TTC29: variants seen among roughly 807,000 people sequenced by gnomAD.
TTC29 encodes tetratricopeptide repeat domain 29, also known as tetratricopeptide repeat protein 29.
In TTC29, 49 loss-of-function variants were observed where a neutral mutation model predicts 58.1. The observed-to-expected ratio is 0.84, with a 90% CI of 0.67 to 1.07. TTC29 has a LOEUF of 1.07. Among genes scored for constraint, TTC29 ranks in the 50% least tolerant of loss-of-function variants. The pLI is 0.00. For missense variants in TTC29, 582 were observed against 555.6 expected, an observed-to-expected ratio of 1.05 and a Z score of -0.48; for synonymous variants, 209 against 196.8, an observed-to-expected ratio of 1.06 and a Z score of -0.52.
At chr4:146,911,875 A>G (rs920590426) in intron 4 of TTC29, among the ~76,000 whole-genome samples, 3 of 152,180 alleles carry the variant, frequency 2.0e-5, no homozygotes, top group Non-Finnish European at 4.4e-5. Flanking sequence ...GGAGTCTGGA[A>G]AAACAAATAC....
intron 8 of TTC29, among the ~76,000 whole-genome samples, chr4:146,854,649 G>A (rs1042401466): frequency 6.6e-6 from 1 of 151,966 alleles, no homozygotes; most frequent in Non-Finnish European, 1.5e-5. Flanking sequence ...CCCAGGAGTG[G>A]GCTGGTATGC....
intron 11 of TTC29, among the ~76,000 whole-genome samples, chr4:146,716,704 A>AAT (rs138080522): frequency 6.6e-6 from 1 of 152,208 alleles, no homozygotes; most frequent in Non-Finnish European, 1.5e-5. Flanking sequence ...AAGATGAGTA[A>AAT]ATATATATAT....
intron 11 of TTC29, among the ~76,000 whole-genome samples, chr4:146,742,086 T>G (rs1745195509): frequency 6.6e-6 from 1 of 152,188 alleles, no homozygotes; most frequent in Non-Finnish European, 1.5e-5. Context: ...GAGGCCATGA[T>G]TTGAACCTAG....
intron 11 of TTC29, among the ~76,000 whole-genome samples, chr4:146,787,908 A>G (rs75740786): frequency 8.1e-6 from 1 of 123,510 alleles, no homozygotes; most frequent in South Asian, 2.6e-4. Flanking sequence ...TTTTTTTTTT[A>G]TTTGGAGTTC....
At chr4:146,763,136 G>A (rs1220561502) in intron 11 of TTC29, among the ~76,000 whole-genome samples, 2 of 151,920 alleles carry the variant, frequency 1.3e-5, no homozygotes, top group Non-Finnish European at 2.9e-5. Flanking sequence ...GCCTTACAAG[G>A]CTCTTTAGCC....
chr4:146,866,393 T>C (rs1418814903), intron 8 of TTC29, among the ~76,000 whole-genome samples: 6 of 152,186 alleles, frequency 3.9e-5, no homozygotes, highest in African/African-American at 1.4e-4. Flanking sequence ...TCTCATGTTT[T>C]CTACATGTGT....
At chr4:146,734,935 G>C (rs1744608559) in intron 11 of TTC29, among the ~76,000 whole-genome samples, 1 of 152,052 alleles carries the variant, frequency 6.6e-6, no homozygotes, top group African/African-American at 2.4e-5. Flanking sequence ...GCTGTGTTGA[G>C]ATCAGTCACT....
intron 8 of TTC29, among the ~76,000 whole-genome samples, chr4:146,865,266 C>T (rs1313243647): frequency 6.6e-6 from 1 of 152,162 alleles, no homozygotes; most frequent in Non-Finnish European, 1.5e-5. Flanking sequence ...AAATTTGTCA[C>T]ATCTGATGAA....
chr4:146,756,733 C>A (rs1561094694), intron 11 of TTC29, among the ~76,000 whole-genome samples: 1 of 146,982 alleles, frequency 6.8e-6, no homozygotes, highest in African/African-American at 2.5e-5. Context: ...TTTTTTTATT[C>A]TTTTTTTTTT....
chr4:146,887,658 G>T (rs949290468), intron 6 of TTC29, among the ~76,000 whole-genome samples: 1 of 152,024 alleles, frequency 6.6e-6, no homozygotes, highest in African/African-American at 2.4e-5. Context: ...TTGTCTAAAA[G>T]AATTGAACAT....
rs567229092 is a variant in TTC29, at chr4:146,923,628, C to T, written c.176+13966G>A. 5.9e-5 allele frequency among the ~76,000 whole-genome samples: 9 copies of T among 151,962 alleles called. No homozygotes were observed. In the South Asian group the frequency reaches 1.7e-3, roughly 28 times the overall value. ...AAGCCAGGAATGTGAAGAGACGCCGCTGTCAATGCTATTATGTAACATCAT... is the reference window on the plus strand; with the variant it reads ...AAGCCAGGAATGTGAAGAGACGCCGTTGTCAATGCTATTATGTAACATCAT... On this transcript the variant is annotated intron_variant, in intron 4 of 12. Coordinates refer to ENST00000325106, the MANE Select transcript of TTC29 (RefSeq NM_031956.4).
At chr4:146,937,710 G>A (rs765853933) in intron 3 of TTC29, 33 bp from the exon 4 acceptor site, 12 of 1,291,320 alleles carry the variant, frequency 9.3e-6, no homozygotes, top group Non-Finnish European at 8.5e-6. Flanking sequence ...ATAAAGCACA[G>A]CCTTATCAAG....
chr4:146,780,305 G>A (rs1748491003), intron 11 of TTC29, among the ~76,000 whole-genome samples: 1 of 43,322 alleles, frequency 2.3e-5, no homozygotes, highest in Non-Finnish European at 4.4e-5. Flanking sequence ...AACTTGGGGT[G>A]TGTGTGTGTG....
In TTC29 at chr4:146,939,817, TGGA is replaced by T. The variant is rs1165391392; in HGVS notation, c.76_78del (p.Ser26del). On this transcript the variant is annotated inframe_deletion, in exon 3 of 13. Coordinates refer to ENST00000325106, the MANE Select transcript of TTC29 (RefSeq NM_031956.4). ...AGGGGCACGTACCTTGGAATTTTTCTGGAGGAGCAAGGCAGCTTCTGTCTGGCT... is the reference window on the plus strand; with the variant it reads ...AGGGGCACGTACCTTGGAATTTTTCTGGAGCAAGGCAGCTTCTGTCTGGCT... 2 of 1,612,458 alleles carry T rather than the reference TGGA, an allele frequency of 1.2e-6. No individual in the cohort carries two copies. The highest frequency in any genetic ancestry group is 1.7e-5 in the Admixed American group (1 of 59,762).
chr4:146,927,912 C>T (rs569452635), intron 4 of TTC29, among the ~76,000 whole-genome samples: 2 of 152,096 alleles, frequency 1.3e-5, no homozygotes, highest in South Asian at 4.1e-4. Context: ...GAATAGAGTA[C>T]CAATGATGCA....
intron 11 of TTC29, among the ~76,000 whole-genome samples, chr4:146,746,422 G>C (rs1047648661): frequency 6.6e-6 from 1 of 152,166 alleles, no homozygotes; most frequent in African/African-American, 2.4e-5. Context: ...TCAACATTAT[G>C]ATGTTAGGTA....
intron 4 of TTC29, 101 bp downstream of exon 4, chr4:146,937,493 C>T: frequency 1.3e-6 from 1 of 748,656 alleles, no homozygotes; most frequent in Non-Finnish European, 2.2e-6. Context: ...TGCCATGTTC[C>T]AATGAAAAAG....
chr4:146,807,620 A>T (rs1280549723), intron 10 of TTC29, among the ~76,000 whole-genome samples: 1 of 152,204 alleles, frequency 6.6e-6, no homozygotes, highest in African/African-American at 2.4e-5. Flanking sequence ...ACCTCTATGC[A>T]AATAACTAGA....
chr4:146,748,566 T>A (rs1745721575), intron 11 of TTC29, among the ~76,000 whole-genome samples: 1 of 152,104 alleles, frequency 6.6e-6, no homozygotes, highest in African/African-American at 2.4e-5. Context: ...TAACAACCTA[T>A]GCAGCCACCA....
Sources: gnomAD v4.1 joint callset for allele counts (sites outside exome capture counted in the v4.1 genomes callset) on GRCh38, gnomAD v4.1.1 for gene constraint, MANE v1.5 for transcripts, NCBI Gene and HGNC (gene_info 2026-07-23, HGNC 2026-07-21) for gene names.